Variants in NUP62CL observed in about 807,000 individuals in gnomAD.
NUP62CL encodes nucleoporin-62 C-terminal-like protein.
NUP62CL carries 13 observed loss-of-function variants against 15.3 expected under a neutral mutation model. The ratio of observed to expected loss-of-function variants is 0.85; its 90% CI spans 0.55 to 1.35. NUP62CL has a LOEUF of 1.35. NUP62CL is among the 40% of genes most tolerant of loss of function. The pLI is 0.00. For missense variants in NUP62CL, 123 were observed against 130.6 expected, an observed-to-expected ratio of 0.94 and a Z score of 0.28; for synonymous variants, 54 against 49.2, an observed-to-expected ratio of 1.10 and a Z score of -0.41.
chrX:107,124,118 GA>G lies in NUP62CL; in HGVS notation c.*256del, dbSNP rs200340255. On this transcript the variant is annotated 3_prime_UTR_variant, in exon 9 of 9. Transcript: ENST00000372466. Reference sequence around the variant, plus strand: ...ATTCTCAACAGTACAATACTTAAATGAAAAAAAGGATGCACAATTCATTATG... The same window carrying G: ...ATTCTCAACAGTACAATACTTAAATGAAAAAAGGATGCACAATTCATTATG... 0.011 allele frequency: 2,940 copies of G among 261,825 alleles called. 20 individuals carry two copies. Among genetic ancestry groups the G allele is most frequent in the Non-Finnish European group, 0.014 (1,925 of 139,555 alleles). The allele number at this position is 261,825 out of a possible 1,213,427, so 21.6% of individuals were successfully genotyped here.
chrX:107,196,775 T>G (rs1214834263), intron 1 of NUP62CL, among the ~76,000 whole-genome samples: 1 of 111,920 alleles, frequency 8.9e-6, no homozygotes, highest in Non-Finnish European at 1.9e-5. Flanking sequence ...AAGACTGTAT[T>G]GTTAGGGGCC....
intron 3 of NUP62CL, among the ~76,000 whole-genome samples, chrX:107,173,722 G>T (rs1035949505): frequency 9.0e-6 from 1 of 111,579 alleles, no homozygotes; most frequent in African/African-American, 3.3e-5. Flanking sequence ...CATAATTCAT[G>T]TGGTAACCAA....
intron 4 of NUP62CL, among the ~76,000 whole-genome samples, chrX:107,160,862 A>C (rs1414108563): frequency 9.1e-6 from 1 of 109,845 alleles, no homozygotes; most frequent in African/African-American, 3.3e-5. Flanking sequence ...ACATGGGAGA[A>C]AATTTTCGCA....
intron 1 of NUP62CL, among the ~76,000 whole-genome samples, chrX:107,203,410 A>AT (rs1449499990): frequency 9.2e-6 from 1 of 108,504 alleles, no homozygotes. Flanking sequence ...AGCCTGACTA[A>AT]TTTTTTAATA....
At chrX:107,164,263 A>G (rs1926456043) in intron 4 of NUP62CL, among the ~76,000 whole-genome samples, 1 of 112,150 alleles carries the variant, frequency 8.9e-6, no homozygotes, top group South Asian at 3.7e-4. Flanking sequence ...AATTAGTCAA[A>G]GAAGGATTCA....
chrX:107,139,271 G>A (rs1004526147), intron 8 of NUP62CL, among the ~76,000 whole-genome samples: 1 of 110,998 alleles, frequency 9.0e-6, no homozygotes, highest in African/African-American at 3.3e-5. Context: ...TATGGTGGTA[G>A]ATATACAAAT....
At chrX:107,163,498 T>C (rs991643913) in intron 4 of NUP62CL, among the ~76,000 whole-genome samples, 4 of 111,781 alleles carry the variant, frequency 3.6e-5, no homozygotes. Flanking sequence ...AGATTTAAGC[T>C]CTAACATGTG....
At chrX:107,189,864 AGGAAAAAGAAAGAAAAGAAAG>A (rs1927172588) in intron 2 of NUP62CL, among the ~76,000 whole-genome samples, 1 of 83,349 alleles carries the variant, frequency 1.2e-5, no homozygotes, top group Non-Finnish European at 2.3e-5. Flanking sequence ...GAAGGAAGGA[AGGAAAAAGAAAGAAAAGAAAG>A]AAAGAAAGAA....
intron 2 of NUP62CL, among the ~76,000 whole-genome samples, chrX:107,175,404 C>G (rs1178753546): frequency 9.0e-6 from 1 of 111,317 alleles, no homozygotes; most frequent in Non-Finnish European, 1.9e-5. Context: ...CTTCTAGCAC[C>G]ATCATAACAA....
chrX:107,157,950 G>C (rs1324640259), intron 4 of NUP62CL, among the ~76,000 whole-genome samples: 1 of 105,029 alleles, frequency 9.5e-6, no homozygotes, highest in Non-Finnish European at 2.0e-5. Flanking sequence ...CAAGCAAATG[G>C]AAAACAAAAA....
chrX:107,155,281 A>C lies in NUP62CL; in HGVS notation c.195-1035T>G, dbSNP rs149761442. 3.4e-4 allele frequency among the ~76,000 whole-genome samples: 38 copies of C among 112,209 alleles called. No homozygotes were observed. The East Asian group carries it at 0.01, about 31-fold the overall frequency. ...TCATACCAACCAAGGAGGCTGAATG[A>C]AGTGATATGAAACAAAGTAGTTGAC... On this transcript the variant is annotated intron_variant, in intron 4 of 8. Coordinates refer to ENST00000372466, the MANE Select transcript of NUP62CL (RefSeq NM_017681.3).
intron 3 of NUP62CL, among the ~76,000 whole-genome samples, chrX:107,174,072 T>TCTCTCCCTCC (rs1926717529): frequency 2.1e-5 from 1 of 48,123 alleles, no homozygotes; most frequent in Admixed American, 2.7e-4. Context: ...TCCCTCCCTC[T>TCTCTCCCTCC]CTCTCTCTCC....
intron 4 of NUP62CL, among the ~76,000 whole-genome samples, chrX:107,163,548 T>C (rs1467240771): frequency 9.0e-6 from 1 of 111,551 alleles, no homozygotes; most frequent in Non-Finnish European, 1.9e-5. Flanking sequence ...ACATACCAAT[T>C]AAAATACAGA....
At chrX:107,189,455 T>C (rs762283775) in intron 2 of NUP62CL, among the ~76,000 whole-genome samples, 1 of 110,584 alleles carries the variant, frequency 9.0e-6, no homozygotes, top group Non-Finnish European at 1.9e-5. Context: ...AATACATCCA[T>C]ACAATACAAC....
At chrX:107,189,871 AG>A (rs1927175369) in intron 2 of NUP62CL, among the ~76,000 whole-genome samples, 3 of 80,699 alleles carry the variant, frequency 3.7e-5, no homozygotes, top group Non-Finnish European at 4.9e-5. Context: ...GGAAGGAAAA[AG>A]AAAGAAAAGA....
At chrX:107,156,164 G>C (rs1198631492) in intron 4 of NUP62CL, among the ~76,000 whole-genome samples, 1 of 111,825 alleles carries the variant, frequency 8.9e-6, no homozygotes, top group Non-Finnish European at 1.9e-5. Context: ...TAGCACAGCA[G>C]TCTGAGATCA....
intron 4 of NUP62CL, among the ~76,000 whole-genome samples, chrX:107,166,609 T>C (rs972643606): frequency 1.8e-5 from 2 of 112,103 alleles, no homozygotes; most frequent in African/African-American, 6.5e-5. Flanking sequence ...ATAATAAACA[T>C]GTACATCAAT....
chrX:107,155,487 T>A (rs1310004960), intron 4 of NUP62CL, among the ~76,000 whole-genome samples: 1 of 111,681 alleles, frequency 9.0e-6, no homozygotes, highest in Non-Finnish European at 1.9e-5. Flanking sequence ...AGTGGTAGCA[T>A]GCAATGTTCA....
chrX:107,192,775 T>G (rs769742238), intron 2 of NUP62CL, among the ~76,000 whole-genome samples: 1 of 112,030 alleles, frequency 8.9e-6, no homozygotes, highest in Non-Finnish European at 1.9e-5. Context: ...AATCAGAAAC[T>G]GTATTGCTCT....
Sources: gnomAD v4.1 joint callset for allele counts (sites outside exome capture counted in the v4.1 genomes callset) on GRCh38, gnomAD v4.1.1 for gene constraint, MANE v1.5 for transcripts, NCBI Gene and HGNC (gene_info 2026-07-23, HGNC 2026-07-21) for gene names.